Variants in TMEM120A observed in about 807,000 individuals in gnomAD.
The protein encoded by TMEM120A is ion channel TACAN.
Under a neutral mutation model 54.3 loss-of-function variants are expected in TMEM120A, and 45 were observed. The observed-to-expected ratio is 0.83, with a 90% CI of 0.65 to 1.06. The LOEUF is 1.06. Among genes scored for constraint, TMEM120A ranks in the 50% least tolerant of loss-of-function variants. The probability of loss-of-function intolerance (pLI) is 0.00; values close to 1 mark genes in which losing one functional copy is unlikely to be tolerated. For missense variants in TMEM120A, 424 were observed against 441.7 expected (o/e 0.96, Z 0.36); for synonymous variants, 204 against 178.5 (o/e 1.14, Z -1.14).
chr7:75,987,381 G>T lies in TMEM120A; in HGVS notation c.897C>A (p.Asp299Glu), dbSNP rs781918446. 2 of 1,566,464 alleles carry T rather than the reference G, an allele frequency of 1.3e-6. No homozygotes were observed. Among genetic ancestry groups the T allele is most frequent in the Admixed American group, 3.8e-5 (2 of 52,650 alleles). Residue 299 changes from aspartate (D) to glutamate (E), a missense_variant, in exon 11 of 12, where the codon GAC (aspartate) becomes GAA (glutamate). Coordinates refer to ENST00000493111, the MANE Select transcript of TMEM120A (RefSeq NM_031925.3). ...NALTLFNLAQ[D>E]PQCKEWQVLM... The stretch of plus-strand genomic sequence containing the variant: ...TCACCTGCCACTCCTTGCACTGAGG[G>T]TCCTGGGCCAGGTTGAACAACGTCA...
At position 75,988,470 on chromosome 7, in the gene TMEM120A, T is replaced by C. The variant is rs1396371148; in HGVS notation, c.424A>G (p.Ile142Val). The C allele has an allele frequency of 1.2e-6, 2 of 1,609,672 alleles. No individual in the cohort carries two copies. The highest frequency in any genetic ancestry group is 1.4e-5 in the African/African-American group (1 of 73,876). Residue 142 changes from isoleucine (I) to valine (V), a missense_variant, in exon 5 of 12, where the codon ATC becomes GTC. Coordinates refer to ENST00000493111, the MANE Select transcript of TMEM120A (RefSeq NM_031925.3). Reference sequence around the variant, plus strand: ...GTGAAGGAGATGAGGATGAGGATGATGGTGAGGTAGAGCTTGAACTTCTCA... The same window carrying C: ...GTGAAGGAGATGAGGATGAGGATGACGGTGAGGTAGAGCTTGAACTTCTCA... ...EYEKFKLYLT[I>V]ILILISFTCR...
At chr7:75,989,380 T>C (rs1789745764) in intron 3 of TMEM120A, among the ~76,000 whole-genome samples, 156 bp from the exon 4 acceptor site, 1 of 151,096 alleles carries the variant, frequency 6.6e-6, no homozygotes, top group Middle Eastern at 3.2e-3. Flanking sequence ...CCTTGGAGGC[T>C]GCAGACCCAC....
chr7:75,994,069 G>A (rs1789955191), intron 1 of TMEM120A, among the ~76,000 whole-genome samples: 1 of 151,882 alleles, frequency 6.6e-6, no homozygotes, highest in Non-Finnish European at 1.5e-5. Flanking sequence ...TCTGCCTGGG[G>A]CGTCCCCCAT....
rs1789535885 is a variant in TMEM120A at position 75,987,171 on chromosome 7, C to T, written c.*1G>A. On this transcript the variant is annotated 3_prime_UTR_variant, in exon 12 of 12. Transcript: ENST00000493111. Reference sequence around the variant, plus strand: ...CTGGGCCGGCAGGGGAAGGCCCAGCCTCAATCCTTCTTGCTCCCGTGCCGC... The same window carrying T: ...CTGGGCCGGCAGGGGAAGGCCCAGCTTCAATCCTTCTTGCTCCCGTGCCGC... The T allele has an allele frequency of 6.3e-7, 1 of 1,595,272 alleles. No individual in the cohort carries two copies. Among genetic ancestry groups the T allele is most frequent in the Non-Finnish European group, 8.5e-7 (1 of 1,171,940 alleles).
chr7:75,992,773 C>T (rs1789899679), intron 1 of TMEM120A, among the ~76,000 whole-genome samples: 1 of 152,120 alleles, frequency 6.6e-6, no homozygotes, highest in African/African-American at 2.4e-5. Context: ...ACCCCCACAG[C>T]ACCCCTCCTC....
chr7:75,987,444 G>T lies in TMEM120A; in HGVS notation c.850-16C>A. ...GCTGCCAGAACTAAGCAGGGAGGAG[G>T]CATTTTACTCAGAAGACCCAGTCCC... On this transcript the variant is annotated splice_polypyrimidine_tract_variant and intron_variant, in intron 10 of 11. Transcript: ENST00000493111. 6.4e-7 allele frequency: 1 copy of T among 1,559,256 alleles called. No individual in the cohort carries two copies. Among genetic ancestry groups the T allele is most frequent in the Non-Finnish European group, 8.7e-7 (1 of 1,151,416 alleles).
chr7:75,990,897 C>CAAAA (rs782090391), intron 3 of TMEM120A, among the ~76,000 whole-genome samples: 1 of 45,582 alleles, frequency 2.2e-5, no homozygotes. Flanking sequence ...GACTCTGTCT[C>CAAAA]AAAAAAAAAA....
At chr7:75,994,409 T>C in intron 1 of TMEM120A, 81 bp downstream of exon 1, 2 of 1,340,942 alleles carry the variant, frequency 1.5e-6, no homozygotes, top group Non-Finnish European at 2.1e-6. Context: ...CCCCACTGCC[T>C]GACCCAGGGC....
chr7:75,989,245 G>T, intron 3 of TMEM120A, 21 bp from the exon 4 acceptor site: 2 of 1,530,468 alleles, frequency 1.3e-6, no homozygotes, highest in South Asian at 2.4e-5. Context: ...GGGTGGCGGG[G>T]TGAGGAGAAG....
At position 75,989,203 on chromosome 7, in the gene TMEM120A, C is replaced by T; in HGVS notation, c.339G>A (p.Leu113=). The T allele has an allele frequency of 2.6e-6, 4 of 1,519,990 alleles. No homozygotes were observed. In the East Asian group the frequency reaches 7.4e-5, roughly 28 times the overall value. The allele number at this position is 1,519,990 out of a possible 1,614,324, so 94.2% of individuals were successfully genotyped here. A position where few individuals can be genotyped will look rare whatever the true frequency, so the allele number is the denominator to read the frequency against. The change falls in exon 4 of 12, where the codon CTG becomes CTA. Residue 113 remains leucine (L), a synonymous_variant. Coordinates refer to ENST00000493111, the MANE Select transcript of TMEM120A (RefSeq NM_031925.3). ...TCAGGAGCGTGACGTTGACGTTCCC[C>T]AGAACCAGGCTCAGGTACAATCTAG... ...KKNGLYLSLV[L]GNVNVTLLSK... is the part of the protein sequence containing the mutation.
intron 3 of TMEM120A, 103 bp downstream of exon 3, chr7:75,992,041 T>G (rs1402245861): frequency 3.0e-5 from 24 of 802,060 alleles, no homozygotes; most frequent in Non-Finnish European, 4.7e-5. Flanking sequence ...CAGCCTGTAC[T>G]GGGCCCAGGG....
Position 75,987,143 on chromosome 7 carries a change from C to T in TMEM120A, c.*29G>A. ...TCCCACAACACACAGGACAGAAGCC[C>T]CTCTGGGCCGGCAGGGGAAGGCCCA... On this transcript the variant is annotated 3_prime_UTR_variant, in exon 12 of 12. Coordinates refer to ENST00000493111, the MANE Select transcript of TMEM120A (RefSeq NM_031925.3). The T allele has an allele frequency of 6.4e-7, 1 of 1,554,064 alleles. No homozygotes were observed. Among genetic ancestry groups the T allele is most frequent in the Non-Finnish European group, 8.7e-7 (1 of 1,143,980 alleles).
intron 10 of TMEM120A, 33 bp from the exon 11 acceptor site, chr7:75,987,461 C>T (rs11766464): frequency 1.3e-6 from 2 of 1,560,486 alleles, no homozygotes; most frequent in African/African-American, 1.4e-5. Context: ...ACTCAGAAGA[C>T]CCAGTCCCTG....
At chr7:75,993,175 G>T (rs1554562270) in intron 1 of TMEM120A, among the ~76,000 whole-genome samples, 1 of 152,166 alleles carries the variant, frequency 6.6e-6, no homozygotes, top group Non-Finnish European at 1.5e-5. Flanking sequence ...CCTACCTTGA[G>T]TCTGGAGCTT....
At chr7:75,994,153 T>A (rs1313871649) in intron 1 of TMEM120A, among the ~76,000 whole-genome samples, 1 of 152,180 alleles carries the variant, frequency 6.6e-6, no homozygotes, top group Non-Finnish European at 1.5e-5. Context: ...CGCTGCGCGT[T>A]TGCTGAGTGG....
chr7:75,991,870 C>A (rs1267503072), intron 3 of TMEM120A, among the ~76,000 whole-genome samples: 1 of 152,114 alleles, frequency 6.6e-6, no homozygotes, highest in Non-Finnish European at 1.5e-5. Flanking sequence ...AAGACTCAGC[C>A]CACCCATCCC....
intron 3 of TMEM120A, among the ~76,000 whole-genome samples, 197 bp downstream of exon 3, chr7:75,991,946 TC>T (rs1789859946): frequency 1.3e-5 from 2 of 152,242 alleles, no homozygotes; most frequent in Non-Finnish European, 2.9e-5. Flanking sequence ...GCCACCTCAT[TC>T]CCCATGCTAC....
intron 6 of TMEM120A, 46 bp downstream of exon 6, chr7:75,988,206 G>A (rs782349009): frequency 6.2e-7 from 1 of 1,611,734 alleles, no homozygotes; most frequent in South Asian, 1.1e-5. Flanking sequence ...GGAGGGTCCT[G>A]GCACCCCATT....
intron 3 of TMEM120A, among the ~76,000 whole-genome samples, chr7:75,991,118 T>G (rs1789828709): frequency 6.6e-6 from 1 of 152,050 alleles, no homozygotes; most frequent in African/African-American, 2.4e-5. Flanking sequence ...CTCTCCCAGC[T>G]ATCTCCCTGC....
Sources: gnomAD v4.1 joint callset for allele counts (sites outside exome capture counted in the v4.1 genomes callset) on GRCh38, gnomAD v4.1.1 for gene constraint, MANE v1.5 for transcripts, NCBI Gene and HGNC (gene_info 2026-07-23, HGNC 2026-07-21) for gene names.